NKAIN3: variants seen among roughly 807,000 people sequenced by gnomAD.
NKAIN3 encodes the protein sodium/potassium-transporting ATPase subunit beta-1-interacting protein 3.
In NKAIN3, 25 loss-of-function variants were observed where a neutral mutation model predicts 30.2. The observed-to-expected ratio is 0.83, with a 90% CI of 0.60 to 1.16. The LOEUF (loss-of-function observed/expected upper bound fraction) is 1.16, where lower values mean the gene tolerates loss of function less well. NKAIN3 is among the 50% of genes most tolerant of loss of function. The pLI is 0.00. For missense variants in NKAIN3, 225 were observed against 254.1 expected, an observed-to-expected ratio of 0.89 and a Z score of 0.78; for synonymous variants, 91 against 89.6, an observed-to-expected ratio of 1.02 and a Z score of -0.09.
chr8:62,967,910 AACTTAGTCT>A lies in NKAIN3; in HGVS notation c.*2505_*2513del, dbSNP rs1377484491. On this transcript the variant is annotated 3_prime_UTR_variant, in exon 7 of 7. Transcript: ENST00000623646. Reference sequence around the variant, plus strand: ...GTTCTAGTAGGCACTGCAGAGTCTGAACTTAGTCTAAGTGCAGATAACAGCTTTGAGGAA... The same window carrying A: ...GTTCTAGTAGGCACTGCAGAGTCTGAAAGTGCAGATAACAGCTTTGAGGAA... Among the ~76,000 whole-genome samples, 1 of 152,212 alleles carries A rather than the reference AACTTAGTCT, an allele frequency of 6.6e-6. No homozygotes were observed. The highest frequency in any genetic ancestry group is 1.5e-5 in the Non-Finnish European group (1 of 68,044).
At chr8:62,781,117 G>A (rs149537291) in intron 4 of NKAIN3, among the ~76,000 whole-genome samples, 9 of 151,890 alleles carry the variant, frequency 5.9e-5, no homozygotes, top group Non-Finnish European at 1.3e-4. Flanking sequence ...AAAATCAGTA[G>A]CATTTATATA....
At chr8:62,827,173 A>G (rs1297716476) in intron 4 of NKAIN3, among the ~76,000 whole-genome samples, 3 of 152,210 alleles carry the variant, frequency 2.0e-5, no homozygotes, top group African/African-American at 7.2e-5. Flanking sequence ...GCTTTGCATC[A>G]TTGTTGTAGA....
chr8:62,684,202 G>A (rs16929392), intron 3 of NKAIN3, among the ~76,000 whole-genome samples: 4,895 of 152,232 alleles, frequency 0.032, 106 homozygotes, highest in Middle Eastern at 0.071. Flanking sequence ...CCTGGCAGAA[G>A]CCACCATGCC....
chr8:62,473,286 T>G (rs2129600133), intron 1 of NKAIN3: 1 of 152,366 alleles, frequency 6.6e-6, no homozygotes, highest in African/African-American at 2.4e-5. Flanking sequence ...GTTAAAAGTC[T>G]ATTGCTTGAG....
intron 1 of NKAIN3, among the ~76,000 whole-genome samples, chr8:62,500,470 AAAGAAAGAAAGAAAG>A (rs1807402626): frequency 7.1e-6 from 1 of 141,784 alleles, no homozygotes; most frequent in African/African-American, 2.7e-5. Flanking sequence ...AGAAAGAAAG[AAAGAAAGAAAGAAAG>A]AAGAAAAGAA....
At chr8:62,713,628 ATCAT>A (rs975653593) in intron 3 of NKAIN3, among the ~76,000 whole-genome samples, 13 of 152,324 alleles carry the variant, frequency 8.5e-5, no homozygotes, top group African/African-American at 2.9e-4. Context: ...TAAACTGGAC[ATCAT>A]TCAATTAGTA....
intron 1 of NKAIN3, among the ~76,000 whole-genome samples, chr8:62,396,396 C>A (rs6988778): frequency 0.11 from 16,862 of 152,152 alleles, 1,403 homozygotes; most frequent in African/African-American, 0.22. Flanking sequence ...CTCTTCAGGA[C>A]AATTATACAA....
chr8:62,926,725 T>C (rs1359405717), intron 5 of NKAIN3, among the ~76,000 whole-genome samples: 2 of 152,134 alleles, frequency 1.3e-5, no homozygotes, highest in African/African-American at 4.8e-5. Context: ...ACTGAGACTC[T>C]GTCACACAAA....
chr8:62,289,109 T>C (rs1250760234), intron 1 of NKAIN3, among the ~76,000 whole-genome samples: 3 of 152,210 alleles, frequency 2.0e-5, no homozygotes, highest in Non-Finnish European at 4.4e-5. Context: ...TTCTTGTAAA[T>C]TTGTTTAAGT....
chr8:62,372,124 A>G (rs758809064), intron 1 of NKAIN3, among the ~76,000 whole-genome samples: 4 of 151,956 alleles, frequency 2.6e-5, no homozygotes, highest in Non-Finnish European at 4.4e-5. Context: ...CAAACTGATT[A>G]ACTTGGAGAT....
intron 1 of NKAIN3, among the ~76,000 whole-genome samples, chr8:62,290,605 G>A (rs1473986271): frequency 6.6e-6 from 1 of 152,134 alleles, no homozygotes; most frequent in Non-Finnish European, 1.5e-5. Context: ...TGCTCATGGT[G>A]GATAAGCTTT....
At chr8:62,780,112 A>G (rs1817311030) in intron 4 of NKAIN3, among the ~76,000 whole-genome samples, 1 of 152,150 alleles carries the variant, frequency 6.6e-6, no homozygotes, top group Non-Finnish European at 1.5e-5. Flanking sequence ...AGGAGATATT[A>G]CAACTGACAC....
chr8:62,501,825 A>G (rs371986450), intron 1 of NKAIN3, among the ~76,000 whole-genome samples: 412 of 152,340 alleles, frequency 2.7e-3, no homozygotes, highest in African/African-American at 9.5e-3. Flanking sequence ...TGCATGCAAA[A>G]TAAAATCATA....
chr8:62,878,044 A>AAG (rs1563608613), intron 4 of NKAIN3, among the ~76,000 whole-genome samples: 1 of 149,482 alleles, frequency 6.7e-6, no homozygotes, highest in Non-Finnish European at 1.5e-5. Context: ...CCATCTCAAA[A>AAG]AAAAAAAAAA....
At chr8:62,358,525 C>T (rs2129592302) in intron 1 of NKAIN3, among the ~76,000 whole-genome samples, 1 of 152,172 alleles carries the variant, frequency 6.6e-6, no homozygotes, top group Admixed American at 6.5e-5. Flanking sequence ...AAAAATTAAA[C>T]ATTTCTTTCT....
intron 1 of NKAIN3, among the ~76,000 whole-genome samples, chr8:62,288,080 G>T (rs958719006): frequency 2.0e-5 from 3 of 151,986 alleles, no homozygotes; most frequent in African/African-American, 7.2e-5. Flanking sequence ...CTAACCCTCC[G>T]AGTAAAATAA....
intron 1 of NKAIN3, among the ~76,000 whole-genome samples, chr8:62,315,630 T>A (rs1814595443): frequency 1.3e-5 from 2 of 152,148 alleles, no homozygotes; most frequent in African/African-American, 4.8e-5. Context: ...AGTGCACCAA[T>A]GTAGTGTACA....
intron 5 of NKAIN3, among the ~76,000 whole-genome samples, chr8:62,951,655 G>C (rs1823288311): frequency 6.6e-6 from 1 of 151,908 alleles, no homozygotes; most frequent in African/African-American, 2.4e-5. Context: ...TGGGGACGGT[G>C]TTTCCCCATT....
intron 1 of NKAIN3, among the ~76,000 whole-genome samples, chr8:62,458,548 T>C (rs1436192137): frequency 6.6e-6 from 1 of 152,224 alleles, no homozygotes; most frequent in Non-Finnish European, 1.5e-5. Flanking sequence ...GAAGAATGCA[T>C]GTCCTACAAG....
Sources: allele counts gnomAD v4.1 joint callset (sites outside exome capture counted in the v4.1 genomes callset), GRCh38; gene constraint gnomAD v4.1.1; transcripts MANE v1.5; gene names NCBI Gene and HGNC (gene_info 2026-07-23, HGNC 2026-07-21).